Variants in GALNT13 observed in about 807,000 individuals in gnomAD.
The protein encoded by GALNT13 is polypeptide N-acetylgalactosaminyltransferase 13, also known as UDP-GalNAc:polypeptide N-acetylgalactosaminyltransferase 13.
Under a neutral mutation model 64.2 loss-of-function variants are expected in GALNT13, and 28 were observed. That is an observed-to-expected ratio of 0.44 (90% CI 0.32 to 0.60). GALNT13 has a LOEUF of 0.60. Among genes scored for constraint, GALNT13 ranks in the 20% least tolerant of loss-of-function variants. The pLI is 0.05. For synonymous variants in GALNT13, 214 were observed against 224.6 expected (o/e 0.95, Z 0.42); for missense variants, 577 against 669.8 (o/e 0.86, Z 1.53).
the GALNT13 span, among the ~76,000 whole-genome samples, chr2:153,712,780 A>G: frequency 6.6e-6 from 1 of 152,222 alleles, no homozygotes; most frequent in Non-Finnish European, 1.5e-5. Context: ...TATCATTATG[A>G]AAGCCATCAT....
chr2:153,157,606 G>T, the GALNT13 span, among the ~76,000 whole-genome samples: 3 of 152,220 alleles, frequency 2.0e-5, no homozygotes, highest in African/African-American at 7.2e-5. Context: ...ATCTTCAGAA[G>T]ACCAATCCTG....
At chr2:154,236,269 GT>G in intron 4 of GALNT13, 1 of 574,386 alleles carries the variant, frequency 1.7e-6, no homozygotes, top group Non-Finnish European at 2.3e-6. Flanking sequence ...AAGCCTAAAG[GT>G]TTTACATGTT....
At chr2:154,348,831 T>G (rs774853671) in intron 9 of GALNT13, among the ~76,000 whole-genome samples, 2 of 152,128 alleles carry the variant, frequency 1.3e-5, no homozygotes, top group Non-Finnish European at 2.9e-5. Context: ...GAGGTGAGCA[T>G]TCAGGATGAA....
chr2:153,600,276 G>A, the GALNT13 span, among the ~76,000 whole-genome samples: 1 of 151,300 alleles, frequency 6.6e-6, no homozygotes, highest in Non-Finnish European at 1.5e-5. Context: ...TCCAAAAATG[G>A]TATTTTATTT....
At chr2:153,104,363 G>C in the GALNT13 span, among the ~76,000 whole-genome samples, 1 of 152,054 alleles carries the variant, frequency 6.6e-6, no homozygotes, top group Non-Finnish European at 1.5e-5. Flanking sequence ...TTTTAAATTA[G>C]ATGCTACCAC....
chr2:153,758,938 A>C, the GALNT13 span, among the ~76,000 whole-genome samples: 1 of 152,174 alleles, frequency 6.6e-6, no homozygotes, highest in Non-Finnish European at 1.5e-5. Context: ...TGTGAACATA[A>C]AATATCTTTA....
At chr2:154,202,932 A>G (rs1351479843) in intron 4 of GALNT13, among the ~76,000 whole-genome samples, 5 of 152,138 alleles carry the variant, frequency 3.3e-5, no homozygotes, top group Non-Finnish European at 5.9e-5. Flanking sequence ...AAATATAATA[A>G]GGATTTTTAA....
rs1177097075 is a variant in GALNT13 at position 154,190,407 on chromosome 2, A to G, written c.311+49902A>G. ...AGAATCACAGCACTATGTGATTAAC[A>G]TGCTGGGTTAAAAAGAACCAAATAT... On this transcript the variant is annotated intron_variant, in intron 4 of 12. Coordinates refer to ENST00000392825, the MANE Select transcript of GALNT13 (RefSeq NM_052917.4). Among the ~76,000 whole-genome samples, 4 of 152,230 alleles carry G rather than the reference A, an allele frequency of 2.6e-5. 1 individual carries two copies. The highest frequency in any genetic ancestry group is 4.1e-4 in the South Asian group (2 of 4,836).
At chr2:154,377,557 T>A (rs1698059839) in intron 9 of GALNT13, among the ~76,000 whole-genome samples, 2 of 152,084 alleles carry the variant, frequency 1.3e-5, no homozygotes, top group Non-Finnish European at 2.9e-5. Flanking sequence ...TACATTCACC[T>A]CAAATTATTC....
At chr2:153,372,881 A>G in the GALNT13 span, among the ~76,000 whole-genome samples, 2 of 152,240 alleles carry the variant, frequency 1.3e-5, no homozygotes, top group East Asian at 1.9e-4. Flanking sequence ...TTTTATGTCA[A>G]TAACTGTGCC....
the GALNT13 span, among the ~76,000 whole-genome samples, chr2:153,798,467 A>G: frequency 6.6e-6 from 1 of 152,160 alleles, no homozygotes; most frequent in Admixed American, 6.6e-5. Flanking sequence ...TTTTATGTGA[A>G]TTCATCTACT....
intron 4 of GALNT13, among the ~76,000 whole-genome samples, chr2:154,187,628 C>T (rs978302098): frequency 6.6e-6 from 1 of 151,966 alleles, no homozygotes; most frequent in Non-Finnish European, 1.5e-5. Flanking sequence ...CACTACATGA[C>T]TCATTAAAGT....
At chr2:153,533,733 T>TTTTTTTTTTTTTTTTTTTG in the GALNT13 span, among the ~76,000 whole-genome samples, 1 of 109,884 alleles carries the variant, frequency 9.1e-6, no homozygotes, top group African/African-American at 3.2e-5. Context: ...CTTTTTTTTT[T>TTTTTTTTTTTTTTTTTTTG]TTTTTTTTTT....
chr2:153,694,550 AC>A, the GALNT13 span, among the ~76,000 whole-genome samples: 1 of 152,206 alleles, frequency 6.6e-6, no homozygotes, highest in African/African-American at 2.4e-5. Context: ...ACTTTTAGGA[AC>A]AGACACAACT....
intron 1 of GALNT13, among the ~76,000 whole-genome samples, chr2:153,890,042 T>C (rs17585476): frequency 0.16 from 24,619 of 151,536 alleles, 2,417 homozygotes; most frequent in East Asian, 0.26. Flanking sequence ...TCTCTCATTC[T>C]TGCTTCTGAG....
the GALNT13 span, among the ~76,000 whole-genome samples, chr2:153,632,270 A>G: frequency 6.6e-6 from 1 of 152,198 alleles, no homozygotes; most frequent in Non-Finnish European, 1.5e-5. Flanking sequence ...GAGTTCCCAT[A>G]TACTTTGTCC....
At chr2:153,297,478 C>G in the GALNT13 span, among the ~76,000 whole-genome samples, 1 of 152,092 alleles carries the variant, frequency 6.6e-6, no homozygotes, top group African/African-American at 2.4e-5. Context: ...ACTGTGTATT[C>G]AGCACACAAC....
intron 3 of GALNT13, among the ~76,000 whole-genome samples, chr2:154,021,783 T>G (rs930578376): frequency 2.6e-5 from 4 of 151,378 alleles, no homozygotes; most frequent in Admixed American, 6.6e-5. Context: ...TTGTGCCCGT[T>G]TTCAAAGGGA....
rs527821536 is a variant in GALNT13 at position 154,368,528 on chromosome 2, T to C, written c.1157-27463T>C. Among the ~76,000 whole-genome samples the C allele has an allele frequency of 4.6e-5, 7 of 152,236 alleles. No homozygotes were observed. The East Asian group carries it at 1.4e-3, about 29-fold the overall frequency. On this transcript the variant is annotated intron_variant, in intron 9 of 12. Transcript: ENST00000392825. ...AGAGTAAAATGTAAAGGGTTTTAAC[T>C]TCAGAGGAACTGTGCACAGGCAGGG...
Sources: gnomAD v4.1 joint callset for allele counts (sites outside exome capture counted in the v4.1 genomes callset) on GRCh38, gnomAD v4.1.1 for gene constraint, MANE v1.5 for transcripts, NCBI Gene and HGNC (gene_info 2026-07-23, HGNC 2026-07-21) for gene names.